The following MICAL3 variants were observed in gnomAD, a reference collection of about 807,000 sequenced individuals.
MICAL3 encodes microtubule associated monooxygenase, calponin and LIM domain containing 3.
MICAL3 carries 62 observed loss-of-function variants against 207.4 expected under a neutral mutation model. The ratio of observed to expected loss-of-function variants is 0.30; its 90% CI spans 0.24 to 0.37. The LOEUF (loss-of-function observed/expected upper bound fraction) is 0.37, where lower values mean the gene tolerates loss of function less well. Among genes scored for constraint, MICAL3 ranks in the 10% least tolerant of loss-of-function variants. The pLI is 1.00. For missense variants in MICAL3, 2,368 were observed against 2,635.6 expected (o/e 0.90, Z 2.22); for synonymous variants, 1,077 against 1,069.3 (o/e 1.01, Z -0.14).
intron 1 of MICAL3, among the ~76,000 whole-genome samples, chr22:18,000,148 T>C (rs1922771610): frequency 6.6e-6 from 1 of 152,076 alleles, no homozygotes; most frequent in Admixed American, 6.6e-5. Context: ...AACGACTGTC[T>C]ATGGAGCAAA....
chr22:17,929,815 G>A lies in MICAL3; in HGVS notation c.-74-22929C>T, dbSNP rs189596883. ...ACTCCTGACCTCAGGTGATCCACCC[G>A]CCTTGGCCTCCCAAAGTGCTGGGAT... On this transcript the variant is annotated intron_variant, in intron 1 of 31. Transcript: ENST00000441493. Among the ~76,000 whole-genome samples the A allele has an allele frequency of 1.7e-3, 258 of 152,200 alleles. 1 individual carries two copies. Among genetic ancestry groups the A allele is most frequent in the African/African-American group, 5.8e-3 (243 of 41,548 alleles).
In MICAL3 at chr22:17,817,788, G is replaced by A; in HGVS notation, c.4873C>T (p.Leu1625=). The A allele has an allele frequency of 6.2e-7, 1 of 1,604,230 alleles. No individual in the cohort carries two copies. Reference sequence around the variant, plus strand: ...CGGGGCCTGGGGGCGCCTGAGGCCAGCTCCATCTGCTGCATCCTGCTCAGC... The same window carrying A: ...CGGGGCCTGGGGGCGCCTGAGGCCAACTCCATCTGCTGCATCCTGCTCAGC... ...RQLSRMQQME[L]ASGAPRPRKA... The change falls in exon 26 of 32, where the codon CTG becomes TTG. Residue 1625 remains leucine (L), a synonymous_variant. Coordinates refer to ENST00000441493, the MANE Select transcript of MICAL3 (RefSeq NM_015241.3).
rs1924053253 is a variant in MICAL3 at position 17,841,909 on chromosome 22, G to A, written c.2714C>T (p.Ala905Val). 2 of 1,590,380 alleles carry A rather than the reference G, an allele frequency of 1.3e-6. No individual in the cohort carries two copies. The highest frequency in any genetic ancestry group is 1.7e-5 in the Admixed American group (1 of 57,382). The change falls in exon 20 of 32, where the codon GCA (alanine) becomes GTA (valine). Residue 905 changes from alanine (A) to valine (V), a missense_variant. Physicochemically the swap from Ala to Val is moderately conservative, Grantham distance 64. Around this residue, in one of 4 missense-constraint regions of MICAL3, gnomAD observed 1,770 missense variants for 1,863.2 expected, o/e 0.95. Transcript: ENST00000441493. The surrounding 1 kb of genome is among the most constrained non-coding windows in gnomAD (Gnocchi z 4.2). ...AGTCTCCTCCGGTACCTCCTGCAGT[G>A]CCTCAGCCTGCCTCAGGGACAGGCG... ...NYRLSLRQAE[A>V]LQEVPEETQA...
At chr22:17,862,822 G>C in intron 19 of MICAL3, 2 of 985,516 alleles carry the variant, frequency 2.0e-6, no homozygotes, top group Non-Finnish European at 2.4e-6. Flanking sequence ...AAGCCCCTCA[G>C]CCCTGAGCTC....
intron 16 of MICAL3, chr22:17,881,242 G>T: frequency 1.2e-6 from 2 of 1,612,516 alleles, no homozygotes; most frequent in Non-Finnish European, 8.5e-7. Context: ...AGGTGGAGTA[G>T]GGGGAGGAGA....
intron 1 of MICAL3, among the ~76,000 whole-genome samples, chr22:17,945,182 C>A (rs1934004607): frequency 2.0e-5 from 3 of 152,120 alleles, no homozygotes; most frequent in Non-Finnish European, 4.4e-5. Flanking sequence ...TCTCACACAC[C>A]ATTTCAGCCT....
intron 1 of MICAL3, among the ~76,000 whole-genome samples, chr22:17,932,527 C>T (rs1933317654): frequency 6.6e-6 from 1 of 152,130 alleles, no homozygotes; most frequent in African/African-American, 2.4e-5. Flanking sequence ...AAAAACATGC[C>T]AAATTGTAAA....
chr22:17,859,186 C>T (rs1390024535), intron 19 of MICAL3, among the ~76,000 whole-genome samples: 1 of 152,164 alleles, frequency 6.6e-6, no homozygotes, highest in Non-Finnish European at 1.5e-5. Context: ...TGAGGCCCTC[C>T]CTAACCTGGA....
chr22:17,864,323 C>G (rs1926826977), intron 19 of MICAL3: 1 of 1,179,408 alleles, frequency 8.5e-7, no homozygotes, highest in African/African-American at 1.6e-5. Context: ...CAGGGCATGT[C>G]CCATCACGGT....
chr22:17,957,708 C>CA (rs374917425), intron 1 of MICAL3, among the ~76,000 whole-genome samples: 1,706 of 106,272 alleles, frequency 0.016, 28 homozygotes, highest in Admixed American at 0.041. Flanking sequence ...GAAACTATGT[C>CA]AAAAAAAAAA....
intron 29 of MICAL3, among the ~76,000 whole-genome samples, chr22:17,800,095 G>A (rs544240743): frequency 3.7e-4 from 57 of 152,236 alleles, no homozygotes; most frequent in African/African-American, 1.3e-3. Context: ...GAGAAGCAGA[G>A]AGAACAGGAA....
intron 29 of MICAL3, among the ~76,000 whole-genome samples, chr22:17,801,011 C>T (rs1028432704): frequency 6.6e-6 from 1 of 152,122 alleles, no homozygotes; most frequent in African/African-American, 2.4e-5. Flanking sequence ...TGGGCAGAAC[C>T]CGAGAAGTCT....
At chr22:17,971,408 G>A (rs1243464020) in intron 1 of MICAL3, among the ~76,000 whole-genome samples, 4 of 151,746 alleles carry the variant, frequency 2.6e-5, no homozygotes, top group Non-Finnish European at 4.4e-5. Context: ...GCTTGAACCC[G>A]GGAGGCGGAG....
intron 17 of MICAL3, among the ~76,000 whole-genome samples, chr22:17,866,213 G>A (rs978073333): frequency 6.6e-6 from 1 of 152,158 alleles, no homozygotes; most frequent in African/African-American, 2.4e-5. Context: ...CCTCTCCCTT[G>A]GCCTGAAGGG....
Position 17,788,018 on chromosome 22 carries a change from G to C in MICAL3, c.*2714C>G, listed in dbSNP as rs1008615159. Reference sequence around the variant, plus strand: ...CCCGCACCTGGTGTTTTATGCGTGTGATATATGTGTATCCATCCTGCTTCC... The same window carrying C: ...CCCGCACCTGGTGTTTTATGCGTGTCATATATGTGTATCCATCCTGCTTCC... On this transcript the variant is annotated 3_prime_UTR_variant, in exon 32 of 32. Transcript: ENST00000441493. The C allele has an allele frequency of 1.3e-5, 2 of 152,280 alleles. No homozygotes were observed. Among genetic ancestry groups the C allele is most frequent in the African/African-American group, 4.8e-5 (2 of 41,472 alleles). 9.4% of individuals were successfully genotyped at this position (152,280 alleles called of 1,614,324 possible).
chr22:17,892,915 G>GC (rs1411955248), intron 11 of MICAL3, among the ~76,000 whole-genome samples: 1 of 152,150 alleles, frequency 6.6e-6, no homozygotes, highest in African/African-American at 2.4e-5. Flanking sequence ...GTGATCAATT[G>GC]CCCCTGCCCA....
At chr22:17,875,419 A>T in intron 16 of MICAL3, 2 of 1,394,672 alleles carry the variant, frequency 1.4e-6, no homozygotes, top group Non-Finnish European at 1.9e-6. Context: ...CGGAGGGCAG[A>T]GTTTTAGTGA....
chr22:17,875,803 C>T (rs146778451), intron 16 of MICAL3, among the ~76,000 whole-genome samples: 115 of 152,278 alleles, frequency 7.6e-4, no homozygotes, highest in African/African-American at 2.2e-3. Context: ...AACGCGGTCC[C>T]GCAGCTGTGG....
In MICAL3 at chr22:17,821,473, T is replaced by C. The variant is rs1016912017; in HGVS notation, c.3485A>G (p.Gln1162Arg). The C allele has an allele frequency of 1.9e-6, 3 of 1,545,050 alleles. No individual in the cohort carries two copies. Among genetic ancestry groups the C allele is most frequent in the African/African-American group, 1.4e-5 (1 of 72,238 alleles). Residue 1162 changes from glutamine (Q) to arginine (R), a missense_variant, in exon 25 of 32, where the codon CAG becomes CGG. This residue lies in a region of MICAL3 where 1,770 missense variants were observed against 1,863.2 expected (regional missense o/e 0.95). Coordinates refer to ENST00000441493, the MANE Select transcript of MICAL3 (RefSeq NM_015241.3). Reference protein sequence around the residue: ...SQATSPIRSPQESALLFIPVH... With the variant: ...SQATSPIRSPRESALLFIPVH... ...TGGAATGAACAGAAGAGCTGATTCCTGGGGAGACCGGATGGGGCTGGTGGC... is the reference window on the plus strand; with the variant it reads ...TGGAATGAACAGAAGAGCTGATTCCCGGGGAGACCGGATGGGGCTGGTGGC...
Sources: gnomAD v4.1 joint callset for allele counts (sites outside exome capture counted in the v4.1 genomes callset) on GRCh38, gnomAD v4.1.1 for gene constraint, gnomAD v4.1.1 regional missense constraint, Gnocchi (gnomAD v3.1) non-coding constraint, MANE v1.5 for transcripts, NCBI Gene and HGNC (gene_info 2026-07-23, HGNC 2026-07-21) for gene names.